C12orf75: variants seen among roughly 807,000 people sequenced by gnomAD.
The protein encoded by C12orf75 is chromosome 12 open reading frame 75.
C12orf75 carries 4 observed loss-of-function variants against 11.4 expected under a neutral mutation model. That is an observed-to-expected ratio of 0.35 (90% CI 0.17 to 0.80). C12orf75 has a LOEUF of 0.80. Among genes scored for constraint, C12orf75 ranks in the 30% least tolerant of loss-of-function variants. The pLI is 0.52. For synonymous variants in C12orf75, 30 were observed against 30.0 expected (o/e 1.00, Z 0.00); for missense variants, 89 against 80.4 (o/e 1.11, Z -0.41).
chr12:105,345,705 A>G (rs1168512480), intron 1 of C12orf75, among the ~76,000 whole-genome samples: 3 of 107,868 alleles, frequency 2.8e-5, no homozygotes, highest in African/African-American at 1.1e-4. Flanking sequence ...TCTGTTGCCC[A>G]GGCTGGAGTG....
chr12:105,368,273 G>A (rs1871534674), intron 5 of C12orf75, among the ~76,000 whole-genome samples: 1 of 152,102 alleles, frequency 6.6e-6, no homozygotes, highest in African/African-American at 2.4e-5. Flanking sequence ...TCCATGCTGG[G>A]CTCTCCACTG....
At chr12:105,353,705 A>G (rs1407292505) in intron 2 of C12orf75, 1 of 152,252 alleles carries the variant, frequency 6.6e-6, no homozygotes, top group East Asian at 1.9e-4. Flanking sequence ...TAAGAATATT[A>G]TGACTACGTT....
chr12:105,351,534 GT>G (rs1892713760), intron 2 of C12orf75, among the ~76,000 whole-genome samples: 1 of 152,190 alleles, frequency 6.6e-6, no homozygotes, highest in South Asian at 2.1e-4. Flanking sequence ...TCCTGAAGTA[GT>G]TCACTGTCTA....
intron 1 of C12orf75, among the ~76,000 whole-genome samples, chr12:105,339,606 TTTTCTTTCTTTC>T (rs764909487): frequency 1.2e-4 from 19 of 152,090 alleles, no homozygotes; most frequent in African/African-American, 3.6e-4. Flanking sequence ...GTATATGACC[TTTTCTTTCTTTC>T]TTTCTTTCTT....
chr12:105,334,668 G>T (rs1193653696), intron 1 of C12orf75, among the ~76,000 whole-genome samples: 1 of 152,218 alleles, frequency 6.6e-6, no homozygotes, highest in Non-Finnish European at 1.5e-5. Flanking sequence ...TGTCACATTT[G>T]TTATAAGGCA....
At chr12:105,358,358 C>CT (rs1440327137) in intron 2 of C12orf75, among the ~76,000 whole-genome samples, 1 of 151,880 alleles carries the variant, frequency 6.6e-6, no homozygotes, top group Admixed American at 6.6e-5. Flanking sequence ...TCTACAAAAC[C>CT]AAAAAACATA....
chr12:105,336,559 G>A (rs187089082), intron 1 of C12orf75, among the ~76,000 whole-genome samples: 32 of 152,246 alleles, frequency 2.1e-4, no homozygotes, highest in South Asian at 2.1e-4. Flanking sequence ...CACTGAAGGC[G>A]TGTACGTATA....
intron 1 of C12orf75, among the ~76,000 whole-genome samples, chr12:105,337,431 C>G (rs1892510910): frequency 6.6e-6 from 1 of 152,098 alleles, no homozygotes; most frequent in African/African-American, 2.4e-5. Flanking sequence ...ACCTGTCTCT[C>G]TGAGAATTCG....
intron 2 of C12orf75, among the ~76,000 whole-genome samples, chr12:105,354,088 G>A (rs1032574906): frequency 4.6e-5 from 7 of 152,130 alleles, no homozygotes; most frequent in Admixed American, 2.6e-4. Context: ...ACAGACCTTA[G>A]GGTATCTGAT....
At chr12:105,348,813 A>G (rs1252827995) in intron 2 of C12orf75, among the ~76,000 whole-genome samples, 187 bp downstream of exon 2, 4 of 152,226 alleles carry the variant, frequency 2.6e-5, no homozygotes, top group Admixed American at 1.3e-4. Flanking sequence ...TGTGCTTTTC[A>G]TTAGCTTTTC....
chr12:105,362,379 C>G (rs1211872021), intron 2 of C12orf75, among the ~76,000 whole-genome samples: 3 of 77,820 alleles, frequency 3.9e-5, no homozygotes, highest in African/African-American at 2.0e-4. Flanking sequence ...AGCGAGACTC[C>G]GTCTCAAAAA....
intron 2 of C12orf75, among the ~76,000 whole-genome samples, chr12:105,363,618 G>A (rs531162040): frequency 6.6e-5 from 10 of 152,042 alleles, no homozygotes; most frequent in African/African-American, 9.6e-5. Flanking sequence ...CCAGCTACTC[G>A]GGAGGCTGAG....
At chr12:105,357,961 C>T (rs948647338) in intron 2 of C12orf75, among the ~76,000 whole-genome samples, 1 of 152,126 alleles carries the variant, frequency 6.6e-6, no homozygotes, top group Admixed American at 6.5e-5. Flanking sequence ...CTTCCCATTT[C>T]AGCCTCCTGA....
Position 105,370,771 on chromosome 12 carries a change from C to T in C12orf75, c.*171C>T, listed in dbSNP as rs1456785717. On this transcript the variant is annotated 3_prime_UTR_variant, in exon 6 of 6. Coordinates refer to ENST00000443585, the MANE Select transcript of C12orf75 (RefSeq NM_001145199.2). ...AAGTGTATACATAAAACCCTGGGTACATATTGTTGTGGTAATAGAAGGGAA... is the reference window on the plus strand; with the variant it reads ...AAGTGTATACATAAAACCCTGGGTATATATTGTTGTGGTAATAGAAGGGAA... 1 of 455,442 alleles carries T rather than the reference C, an allele frequency of 2.2e-6. No individual in the cohort carries two copies. Among genetic ancestry groups the T allele is most frequent in the South Asian group, 1.6e-5 (1 of 64,292 alleles). 28.2% of individuals were successfully genotyped at this position (455,442 alleles called of 1,614,324 possible).
Position 105,365,992 on chromosome 12 carries a change from A to G in C12orf75, c.107+150A>G, listed in dbSNP as rs2136152256. On this transcript the variant is annotated intron_variant, in intron 3 of 5. Coordinates refer to ENST00000443585, the MANE Select transcript of C12orf75 (RefSeq NM_001145199.2). ...CAGGTAGGGGCATATGGTCTGAAAA[A>G]GAACTTGCCCAGGATTCATCATCTT... 13 of 682,554 alleles carry G rather than the reference A, an allele frequency of 1.9e-5. 1 individual carries two copies. Among genetic ancestry groups the G allele is most frequent in the Non-Finnish European group, 2.9e-5 (11 of 373,740 alleles). 42.3% of individuals were successfully genotyped at this position (682,554 alleles called of 1,614,324 possible).
chr12:105,365,955 GCA>G (rs1871459110), intron 3 of C12orf75, 113 bp downstream of exon 3: 1 of 774,282 alleles, frequency 1.3e-6, no homozygotes, highest in African/African-American at 1.7e-5. Context: ...AAAACTGTTG[GCA>G]CAGAGAATAC....
chr12:105,341,420 C>G lies in C12orf75; in HGVS notation c.47-7182C>G, dbSNP rs564729614. On this transcript the variant is annotated intron_variant, in intron 1 of 5. Transcript: ENST00000443585. ...GCCTCCACAGGTTTAGTGGGTCGGT[C>G]CCACAAGACTGCCCTCCCTTCAGAC... Among the ~76,000 whole-genome samples, 9 of 152,264 alleles carry G rather than the reference C, an allele frequency of 5.9e-5. No individual in the cohort carries two copies. In the East Asian group the frequency reaches 1.7e-3, roughly 29 times the overall value.
chr12:105,348,542 A>C (rs1892670254), intron 1 of C12orf75, 60 bp from the exon 2 acceptor site: 1 of 1,210,768 alleles, frequency 8.3e-7, no homozygotes. Context: ...TAGGTATTAG[A>C]CAACATTTTT....
At chr12:105,347,901 C>T (rs774275780) in intron 1 of C12orf75, among the ~76,000 whole-genome samples, 6 of 152,290 alleles carry the variant, frequency 3.9e-5, no homozygotes, top group Non-Finnish European at 5.9e-5. Context: ...TTTGACTTAA[C>T]CTGCCGTGCA....
Sources: gnomAD v4.1 joint callset for allele counts (sites outside exome capture counted in the v4.1 genomes callset) on GRCh38, gnomAD v4.1.1 for gene constraint, MANE v1.5 for transcripts, NCBI Gene and HGNC (gene_info 2026-07-23, HGNC 2026-07-21) for gene names.